EHMT1: variants seen among roughly 807,000 people sequenced by gnomAD.
EHMT1 encodes the protein histone-lysine N-methyltransferase EHMT1.
EHMT1 carries 15 observed loss-of-function variants against 147.2 expected under a neutral mutation model. The observed-to-expected ratio is 0.10, with a 90% CI of 0.07 to 0.16. EHMT1 has a LOEUF of 0.16. EHMT1 is among the 10% of genes least tolerant of loss of function. EHMT1 has a pLI of 1.00. For synonymous variants in EHMT1, 795 were observed against 709.6 expected, an observed-to-expected ratio of 1.12 and a Z score of -1.91; for missense variants, 1,587 against 1,772.4, an observed-to-expected ratio of 0.90 and a Z score of 1.88.
chr9:137,661,223 T>G (rs1939043117), intron 1 of EHMT1, among the ~76,000 whole-genome samples: 1 of 152,202 alleles, frequency 6.6e-6, no homozygotes. Flanking sequence ...CACATTTGCT[T>G]TATCATTCTA....
At chr9:137,700,542 G>A (rs1943746744) in intron 1 of EHMT1, among the ~76,000 whole-genome samples, 2 of 152,186 alleles carry the variant, frequency 1.3e-5, no homozygotes, top group African/African-American at 4.8e-5. Context: ...CGTCAAATGT[G>A]TGCTGAGGTG....
intron 18 of EHMT1, among the ~76,000 whole-genome samples, chr9:137,801,560 G>A (rs1345549727): frequency 1.3e-5 from 2 of 152,136 alleles, no homozygotes; most frequent in Admixed American, 1.3e-4. Flanking sequence ...GTGCAGTGGT[G>A]TGATCTCAGC....
chr9:137,673,855 G>T (rs960765500), intron 1 of EHMT1, among the ~76,000 whole-genome samples: 1 of 152,206 alleles, frequency 6.6e-6, no homozygotes, highest in African/African-American at 2.4e-5. Context: ...GCATCTGTAT[G>T]TGTCAACATA....
chr9:137,743,797 A>T, intron 5 of EHMT1, 105 bp from the exon 6 acceptor site: 1 of 1,387,356 alleles, frequency 7.2e-7, no homozygotes, highest in Non-Finnish European at 9.8e-7. Flanking sequence ...CCGCCTCCCC[A>T]CAGGCCCTTG....
rs1050977100 is a variant in EHMT1, at chr9:137,619,041, G to C, written c.13G>C (p.Asp5His). 3 of 961,332 alleles carry C rather than the reference G, an allele frequency of 3.1e-6. No individual in the cohort carries two copies. Among genetic ancestry groups the C allele is most frequent in the Non-Finnish European group, 3.7e-6 (3 of 810,060 alleles). The allele number at this position is 961,332 out of a possible 1,614,324, so 59.6% of individuals were successfully genotyped here. A position where few individuals can be genotyped will look rare whatever the true frequency, so the allele number is the denominator to read the frequency against. The change falls in exon 1 of 27, where the codon GAT (aspartate) becomes CAT (histidine). Residue 5 changes from aspartate to histidine, a missense_variant. By Grantham distance (81) the Asp-to-His change is moderately conservative (BLOSUM62 -1). Around this residue, in one of 7 missense-constraint regions of EHMT1, gnomAD observed 810 missense variants for 673.0 expected, o/e 1.20. Transcript: ENST00000460843. ...GCGGGCCCGGGCCATGGCCGCCGCC[G>C]ATGCCGAGGTGAGCAGCGGGGCCGG... Reference protein sequence around the residue: MAAADAEAVPARGEP... With the variant: MAAAHAEAVPARGEP...
chr9:137,762,559 G>T (rs996804378), intron 9 of EHMT1, 116 bp from the exon 10 acceptor site: 7 of 1,544,102 alleles, frequency 4.5e-6, no homozygotes, highest in Non-Finnish European at 6.1e-6. Flanking sequence ...GTAATCAACC[G>T]CATTGCTTTC....
intron 8 of EHMT1, 37 bp from the exon 9 acceptor site, chr9:137,757,843 G>A: frequency 1.9e-6 from 3 of 1,612,538 alleles, no homozygotes; most frequent in Non-Finnish European, 2.5e-6. Flanking sequence ...GGCCGCCTGG[G>A]TGCGTGGTGT....
chr9:137,743,164 A>G (rs182631605), intron 4 of EHMT1: 18 of 571,100 alleles, frequency 3.2e-5, no homozygotes, highest in South Asian at 6.1e-5. Flanking sequence ...ATGATCCAGG[A>G]CGTGTTTCTG....
intron 15 of EHMT1, among the ~76,000 whole-genome samples, chr9:137,790,197 T>C (rs1328668087): frequency 2.0e-5 from 3 of 152,268 alleles, no homozygotes; most frequent in African/African-American, 7.2e-5. Flanking sequence ...ATAAATTAAA[T>C]ACTAGGTCTT....
At chr9:137,774,187 T>TAC (rs1268167251) in intron 10 of EHMT1, among the ~76,000 whole-genome samples, 2 of 152,260 alleles carry the variant, frequency 1.3e-5, no homozygotes, top group Admixed American at 1.3e-4. Flanking sequence ...CTGCCAGGTA[T>TAC]ACGTTCATGT....
In EHMT1 at chr9:137,787,796, G is replaced by A. The variant is rs748931452; in HGVS notation, c.2383-3052G>A. The A allele has an allele frequency of 1.6e-4, 133 of 853,056 alleles. No homozygotes were observed. Among genetic ancestry groups the A allele is most frequent in the Non-Finnish European group, 2.6e-4 (126 of 490,420 alleles). The allele number at this position is 853,056 out of a possible 1,614,324, so 52.8% of individuals were successfully genotyped here. A position where few individuals can be genotyped will look rare whatever the true frequency, so the allele number is the denominator to read the frequency against. On this transcript the variant is annotated intron_variant, in intron 15 of 26. Transcript: ENST00000460843. This position sits in a 1 kb window ranked among gnomAD's most constrained non-coding sequence, Gnocchi z 4.2. The stretch of plus-strand genomic sequence containing the variant: ...GAGGGCGTCTAGATCCCAGCCCTGG[G>A]GGCCCTCAGGTTTCAGGGGCCACCC...
At chr9:137,811,439 G>T (rs759496056) in intron 18 of EHMT1, 22 bp from the exon 19 acceptor site, 1 of 1,611,650 alleles carries the variant, frequency 6.2e-7, no homozygotes, top group Admixed American at 1.7e-5. Flanking sequence ...CCTGCACTGA[G>T]CTCTGGCTTG....
At chr9:137,807,076 T>G (rs191657041) in intron 18 of EHMT1, among the ~76,000 whole-genome samples, 357 of 152,354 alleles carry the variant, frequency 2.3e-3, no homozygotes, top group African/African-American at 8.3e-3. Context: ...TCATTGAGCT[T>G]CTTGGATCTG....
chr9:137,722,311 G>A (rs545439870), intron 3 of EHMT1, among the ~76,000 whole-genome samples: 6 of 152,144 alleles, frequency 3.9e-5, no homozygotes, highest in East Asian at 3.8e-4. Context: ...TTAAGTGATC[G>A]CTTTTTTCTG....
At position 137,623,398 on chromosome 9, in the gene EHMT1, C is replaced by G. The variant is rs1247578971; in HGVS notation, c.21+4349C>G. 2.1e-4 allele frequency among the ~76,000 whole-genome samples: 31 copies of G among 150,368 alleles called. 1 individual carries two copies. The highest frequency in any genetic ancestry group is 2.1e-3 in the Admixed American group (31 of 15,054). On this transcript the variant is annotated intron_variant, in intron 1 of 26. Coordinates refer to ENST00000460843, the MANE Select transcript of EHMT1 (RefSeq NM_024757.5). ...GTAAGCGGTGAACTTTTGGGGTTTG[C>G]GTGTCTGAAAATGTATTTACTCTTT...
At chr9:137,704,769 T>TTCCC (rs1944111076) in intron 1 of EHMT1, among the ~76,000 whole-genome samples, 1 of 151,520 alleles carries the variant, frequency 6.6e-6, no homozygotes, top group Admixed American at 6.6e-5. Flanking sequence ...TCCTCCTGCC[T>TTCCC]TCCCTCCCTC....
intron 9 of EHMT1, among the ~76,000 whole-genome samples, chr9:137,759,200 C>T (rs954016337): frequency 1.3e-5 from 2 of 152,104 alleles, no homozygotes; most frequent in Admixed American, 6.5e-5. Context: ...GTCATGGAAA[C>T]GATGATATTT....
chr9:137,627,307 C>T (rs926709509), intron 1 of EHMT1, among the ~76,000 whole-genome samples: 3 of 147,296 alleles, frequency 2.0e-5, no homozygotes, highest in Non-Finnish European at 3.0e-5. Context: ...CTGTCACCCA[C>T]GCTGGAGTGC....
chr9:137,662,045 G>C (rs1261907879), intron 1 of EHMT1, among the ~76,000 whole-genome samples: 1 of 152,188 alleles, frequency 6.6e-6, no homozygotes, highest in East Asian at 1.9e-4. Context: ...CAGGTGATCT[G>C]CCCACCTCGG....
Sources: allele counts gnomAD v4.1 joint callset (sites outside exome capture counted in the v4.1 genomes callset), GRCh38; gene constraint gnomAD v4.1.1; regional missense constraint gnomAD v4.1.1; non-coding constraint Gnocchi (gnomAD v3.1); transcripts MANE v1.5; gene names NCBI Gene and HGNC (gene_info 2026-07-23, HGNC 2026-07-21).